The following ITSN1 variants were observed in gnomAD, a reference collection of about 807,000 sequenced individuals.
ITSN1 encodes intersectin-1.
A neutral mutation model predicts 239.8 loss-of-function variants in ITSN1; 58 were observed. The ratio of observed to expected loss-of-function variants is 0.24; its 90% CI spans 0.20 to 0.30. The LOEUF (loss-of-function observed/expected upper bound fraction) is 0.30. ITSN1 is among the 10% of genes least tolerant of loss of function. ITSN1 has a pLI of 1.00. For missense variants in ITSN1, 1,558 were observed against 2,103.3 expected, an observed-to-expected ratio of 0.74 and a Z score of 5.07; for synonymous variants, 780 against 770.8, an observed-to-expected ratio of 1.01 and a Z score of -0.20.
chr21:33,896,045 C>T lies in ITSN1; in HGVS notation c.*7745C>T, dbSNP rs1986763220. On this transcript the variant is annotated 3_prime_UTR_variant, in exon 40 of 40. Coordinates refer to ENST00000381318, the MANE Select transcript of ITSN1 (RefSeq NM_003024.3). ...GGTTCCCGAAGCTGATGGGCTCTGT[C>T]TTAGGTCTTCTTACTTTGAAAGGTC... 2 of 152,282 alleles carry T rather than the reference C, an allele frequency of 1.3e-5. No homozygotes were observed. Among genetic ancestry groups the T allele is most frequent in the South Asian group, 4.1e-4 (2 of 4,838 alleles). The allele number at this position is 152,282 out of a possible 1,614,324, so 9.4% of individuals were successfully genotyped here. A position where few individuals can be genotyped will look rare whatever the true frequency, so the allele number is the denominator to read the frequency against.
rs138855553 is a variant in ITSN1 at position 33,691,823 on chromosome 21, C to G, written c.-32-26974C>G. Among the ~76,000 whole-genome samples the G allele has an allele frequency of 1.1e-3, 171 of 152,260 alleles. 1 individual carries two copies. The highest frequency in any genetic ancestry group is 6.8e-3 in the Middle Eastern group (2 of 294). On this transcript the variant is annotated intron_variant, in intron 1 of 39. Coordinates refer to ENST00000381318, the MANE Select transcript of ITSN1 (RefSeq NM_003024.3). ...GTCTGTTCTTATAAGGGTACCAATC[C>G]CATTCATGAAGGCTCCACTCTCATG... is the stretch of plus-strand genomic sequence containing the variant.
chr21:33,808,255 G>A (rs187255051), intron 20 of ITSN1, among the ~76,000 whole-genome samples: 33 of 151,604 alleles, frequency 2.2e-4, no homozygotes, highest in Admixed American at 4.6e-4. Flanking sequence ...GAACTACAGC[G>A]CAACATCAGA....
chr21:33,854,766 C>T (rs1337621380), intron 29 of ITSN1, among the ~76,000 whole-genome samples: 1 of 152,226 alleles, frequency 6.6e-6, no homozygotes, highest in Non-Finnish European at 1.5e-5. Context: ...AGGGCTCAAG[C>T]TCAGACACAT....
intron 1 of ITSN1, among the ~76,000 whole-genome samples, chr21:33,666,088 C>T (rs2089914052): frequency 6.6e-6 from 1 of 152,080 alleles, no homozygotes; most frequent in South Asian, 2.1e-4. Context: ...ACTGTCGTGC[C>T]CAGCTAATTC....
intron 29 of ITSN1, among the ~76,000 whole-genome samples, chr21:33,843,446 G>T (rs1286826106): frequency 6.6e-6 from 1 of 152,212 alleles, no homozygotes; most frequent in African/African-American, 2.4e-5. Context: ...CACTGGGCGA[G>T]TTTGCCAGGC....
At chr21:33,733,313 A>G (rs1054996536) in intron 4 of ITSN1, among the ~76,000 whole-genome samples, 4 of 152,152 alleles carry the variant, frequency 2.6e-5, no homozygotes, top group African/African-American at 9.7e-5. Flanking sequence ...TGATTAATAA[A>G]TATTACTGGG....
chr21:33,862,513 T>G (rs567586236), intron 31 of ITSN1, among the ~76,000 whole-genome samples: 8 of 152,102 alleles, frequency 5.3e-5, no homozygotes, highest in Admixed American at 2.0e-4. Context: ...AGAGAGGGCA[T>G]GGAGCAGATG....
chr21:33,882,130 T>G lies in ITSN1; in HGVS notation c.4342-113T>G, dbSNP rs1430205763. 2.3e-6 allele frequency: 2 copies of G among 866,702 alleles called. No homozygotes were observed. The highest frequency in any genetic ancestry group is 5.2e-5 in the East Asian group (2 of 38,242). The allele number at this position is 866,702 out of a possible 1,614,324, so 53.7% of individuals were successfully genotyped here. On this transcript the variant is annotated intron_variant, in intron 34 of 39. Coordinates refer to ENST00000381318, the MANE Select transcript of ITSN1 (RefSeq NM_003024.3). The surrounding 1 kb of genome is among the most constrained non-coding windows in gnomAD (Gnocchi z 4.5). ...AAAGTCTTCAAAGCTATCCTTGACT[T>G]TTGCCTGAGATCCGAGTCTGCTGGG... is the stretch of plus-strand genomic sequence containing the variant.
At chr21:33,823,693 G>A (rs373541278) in intron 25 of ITSN1, 40 bp downstream of exon 25, 4 of 1,575,306 alleles carry the variant, frequency 2.5e-6, no homozygotes, top group Non-Finnish European at 3.5e-6. Flanking sequence ...TTTCTGTGCG[G>A]TGATTCTCTT....
intron 32 of ITSN1, 65 bp from the exon 33 acceptor site, chr21:33,867,168 T>C: frequency 2.2e-6 from 2 of 889,702 alleles, no homozygotes; most frequent in East Asian, 2.4e-5. Flanking sequence ...CTGACATTAG[T>C]ATTGATGTCA....
chr21:33,788,421 C>G (rs1281775701), intron 16 of ITSN1, among the ~76,000 whole-genome samples: 1 of 152,176 alleles, frequency 6.6e-6, no homozygotes, highest in African/African-American at 2.4e-5. Flanking sequence ...AACAGTATAT[C>G]CCATTTCAGA....
chr21:33,710,882 T>C (rs1474859570), intron 1 of ITSN1, among the ~76,000 whole-genome samples: 1 of 150,146 alleles, frequency 6.7e-6, no homozygotes, highest in Admixed American at 6.7e-5. Context: ...CTCGGCTCAC[T>C]GCAACCTCCG....
At position 33,775,201 on chromosome 21, in the gene ITSN1, G is replaced by C. The variant is rs934941730; in HGVS notation, c.1596+93G>C. ...TACTTACTTATTCAGTAAACATTAAGCAACTGTCTTGTACTAGGCACTGGG... is the reference window on the plus strand; with the variant it reads ...TACTTACTTATTCAGTAAACATTAACCAACTGTCTTGTACTAGGCACTGGG... On this transcript the variant is annotated intron_variant, in intron 14 of 39. Coordinates refer to ENST00000381318, the MANE Select transcript of ITSN1 (RefSeq NM_003024.3). The C allele has an allele frequency of 5.1e-6, 7 of 1,381,410 alleles. No individual in the cohort carries two copies. In the East Asian group the frequency reaches 1.4e-4, roughly 28 times the overall value. The allele number at this position is 1,381,410 out of a possible 1,614,324, so 85.6% of individuals were successfully genotyped here.
At chr21:33,878,325 G>A (rs1984351182) in intron 34 of ITSN1, among the ~76,000 whole-genome samples, 1 of 152,048 alleles carries the variant, frequency 6.6e-6, no homozygotes, top group African/African-American at 2.4e-5. Flanking sequence ...GAGCCACCAC[G>A]CCTGGCCAGA....
chr21:33,710,152 C>G (rs1422979798), intron 1 of ITSN1, among the ~76,000 whole-genome samples: 10 of 150,010 alleles, frequency 6.7e-5, no homozygotes, highest in Admixed American at 4.7e-4. Flanking sequence ...GATCTCGGCT[C>G]ACTGCAAGCT....
At chr21:33,778,951 A>C (rs1040567676) in intron 14 of ITSN1, among the ~76,000 whole-genome samples, 1 of 151,876 alleles carries the variant, frequency 6.6e-6, no homozygotes, top group Admixed American at 6.5e-5. Context: ...TGATATTGGT[A>C]ATTTGTGTCC....
At position 33,772,710 on chromosome 21, in the gene ITSN1, G is replaced by A. The variant is rs1206742796; in HGVS notation, c.1305+387G>A. ...AATCAGTCCTTTATTCCTGTTTATG[G>A]CTGAGTAATATTTCGTTATATGGGT... On this transcript the variant is annotated intron_variant, in intron 12 of 39. Transcript: ENST00000381318. Among the ~76,000 whole-genome samples the A allele has an allele frequency of 3.9e-5, 6 of 152,090 alleles. No homozygotes were observed. The East Asian group carries it at 9.6e-4, about 24-fold the overall frequency.
At chr21:33,875,932 G>T (rs1316850173) in intron 34 of ITSN1, among the ~76,000 whole-genome samples, 3 of 152,202 alleles carry the variant, frequency 2.0e-5, no homozygotes, top group African/African-American at 7.2e-5. Flanking sequence ...TGCCCACCTC[G>T]GCCTCCCAAA....
At chr21:33,652,996 T>C (rs1208550160) in intron 1 of ITSN1, among the ~76,000 whole-genome samples, 1 of 151,220 alleles carries the variant, frequency 6.6e-6, no homozygotes, top group Non-Finnish European at 1.5e-5. Context: ...ACTGGGAAGT[T>C]CTTTTTTTTT....
Sources: gnomAD v4.1 joint callset for allele counts (sites outside exome capture counted in the v4.1 genomes callset) on GRCh38, gnomAD v4.1.1 for gene constraint, Gnocchi (gnomAD v3.1) non-coding constraint, MANE v1.5 for transcripts, NCBI Gene and HGNC (gene_info 2026-07-23, HGNC 2026-07-21) for gene names.